Variants in NECAB1 observed in about 807,000 individuals in gnomAD.
NECAB1 encodes N-terminal EF-hand calcium binding protein 1.
In NECAB1, 29 loss-of-function variants were observed where a neutral mutation model predicts 57.5. That is an observed-to-expected ratio of 0.50 (90% CI 0.38 to 0.69). The LOEUF is 0.69. NECAB1 is among the 30% of genes least tolerant of loss of function. The probability of loss-of-function intolerance (pLI) is 0.00; values close to 1 mark genes in which losing one functional copy is unlikely to be tolerated. For missense variants in NECAB1, 372 were observed against 413.8 expected (o/e 0.90, Z 0.88); for synonymous variants, 142 against 147.7 (o/e 0.96, Z 0.28).
chr8:90,870,018 G>A (rs1808593380), intron 3 of NECAB1, among the ~76,000 whole-genome samples: 1 of 152,134 alleles, frequency 6.6e-6, no homozygotes, highest in Non-Finnish European at 1.5e-5. Context: ...GTGATAGTGA[G>A]TAAGGTCTCA....
At chr8:90,826,713 A>G (rs1313187154) in intron 3 of NECAB1, among the ~76,000 whole-genome samples, 1 of 151,644 alleles carries the variant, frequency 6.6e-6, no homozygotes, top group African/African-American at 2.4e-5. Context: ...TTTAATTTAT[A>G]TTAATATTAA....
At chr8:90,792,944 G>A (rs1320095248) in intron 1 of NECAB1, among the ~76,000 whole-genome samples, 2 of 152,072 alleles carry the variant, frequency 1.3e-5, no homozygotes, top group African/African-American at 2.4e-5. Flanking sequence ...CGGAGGTCGT[G>A]TCTATCTCAG....
chr8:90,879,305 C>G (rs1462620394), intron 4 of NECAB1, among the ~76,000 whole-genome samples: 1 of 150,674 alleles, frequency 6.6e-6, no homozygotes. Context: ...CCTCCCACCT[C>G]AGCCTCCCAA....
intron 5 of NECAB1, among the ~76,000 whole-genome samples, chr8:90,895,502 G>A (rs1809303853): frequency 6.6e-6 from 1 of 152,240 alleles, no homozygotes; most frequent in Non-Finnish European, 1.5e-5. Context: ...ACTGTGTTCA[G>A]AGTGTTGCCA....
At chr8:90,918,200 C>T (rs113079219) in intron 6 of NECAB1, among the ~76,000 whole-genome samples, 15,878 of 150,706 alleles carry the variant, frequency 0.11, 973 homozygotes, top group African/African-American at 0.17. Context: ...TTAGAAGAGA[C>T]GGGGTTTCAC....
intron 2 of NECAB1, among the ~76,000 whole-genome samples, chr8:90,824,297 A>G (rs1563497421): frequency 6.6e-6 from 1 of 151,814 alleles, no homozygotes; most frequent in Non-Finnish European, 1.5e-5. Flanking sequence ...TCTGATATAC[A>G]TTTATTAAAC....
chr8:90,931,408 T>C (rs1309937514), intron 8 of NECAB1, among the ~76,000 whole-genome samples: 1 of 152,238 alleles, frequency 6.6e-6, no homozygotes, highest in Non-Finnish European at 1.5e-5. Flanking sequence ...ACATATGTTA[T>C]CTTTTCTCTG....
intron 5 of NECAB1, among the ~76,000 whole-genome samples, chr8:90,900,782 C>T (rs1455914236): frequency 6.6e-6 from 1 of 152,196 alleles, no homozygotes; most frequent in African/African-American, 2.4e-5. Flanking sequence ...GTCAGGGTTT[C>T]ATCACGCTCT....
intron 4 of NECAB1, among the ~76,000 whole-genome samples, chr8:90,878,059 C>G (rs1808762176): frequency 6.6e-6 from 1 of 151,120 alleles, no homozygotes; most frequent in African/African-American, 2.4e-5. Context: ...TTTTCAAAGA[C>G]AGGATCTCGT....
chr8:90,876,593 G>T (rs1157753186), intron 4 of NECAB1, among the ~76,000 whole-genome samples: 1 of 152,026 alleles, frequency 6.6e-6, no homozygotes, highest in Non-Finnish European at 1.5e-5. Flanking sequence ...GTGCAGGATA[G>T]AAAAACAGAA....
chr8:90,834,810 T>G lies in NECAB1; in HGVS notation c.233+9985T>G, dbSNP rs543566765. Among the ~76,000 whole-genome samples the G allele has an allele frequency of 2.6e-5, 4 of 152,256 alleles. No individual in the cohort carries two copies. The South Asian group carries it at 8.3e-4, about 32-fold the overall frequency. On this transcript the variant is annotated intron_variant, in intron 3 of 12. Transcript: ENST00000417640. ...GGTTACCATAGCTTTTATGTATGCATTCTATTTTAATCATGGAAAACTCTT... is the reference window on the plus strand; with the variant it reads ...GGTTACCATAGCTTTTATGTATGCAGTCTATTTTAATCATGGAAAACTCTT...
chr8:90,922,015 A>G (rs1356686722), intron 6 of NECAB1, among the ~76,000 whole-genome samples: 1 of 152,270 alleles, frequency 6.6e-6, no homozygotes. Context: ...TTCAGATGGC[A>G]TGCTACAACA....
intron 12 of NECAB1, among the ~76,000 whole-genome samples, chr8:90,952,428 T>G (rs1201502280): frequency 6.6e-6 from 1 of 151,942 alleles, no homozygotes; most frequent in Non-Finnish European, 1.5e-5. Flanking sequence ...AAGAGTAAAA[T>G]GCAAAGATAC....
At chr8:90,884,861 C>G (rs73694325) in intron 5 of NECAB1, among the ~76,000 whole-genome samples, 1 of 152,088 alleles carries the variant, frequency 6.6e-6, no homozygotes, top group Non-Finnish European at 1.5e-5. Flanking sequence ...AGGACAGAAG[C>G]CCTGAGTCAG....
At chr8:90,825,833 C>G (rs1467437410) in intron 3 of NECAB1, among the ~76,000 whole-genome samples, 2 of 151,802 alleles carry the variant, frequency 1.3e-5, no homozygotes, top group Admixed American at 6.6e-5. Context: ...TTGACAGAAA[C>G]AGTATTCATG....
rs145063988 is a variant in NECAB1, at chr8:90,863,403, A to T, written c.234-8725A>T. On this transcript the variant is annotated intron_variant, in intron 3 of 12. Coordinates refer to ENST00000417640, the MANE Select transcript of NECAB1 (RefSeq NM_022351.5). The stretch of plus-strand genomic sequence containing the variant: ...ATGCCCTAAACCCATCATTTTTCCT[A>T]TTCTCTAAAGTAACATTCTTATTTC... Among the ~76,000 whole-genome samples the T allele has an allele frequency of 4.5e-4, 69 of 152,250 alleles. No homozygotes were observed. In the East Asian group the frequency reaches 0.011, roughly 24 times the overall value.
intron 3 of NECAB1, among the ~76,000 whole-genome samples, chr8:90,842,817 G>A (rs949265510): frequency 6.6e-6 from 1 of 152,178 alleles, no homozygotes; most frequent in Admixed American, 6.5e-5. Context: ...CACTAAAGTT[G>A]CTAAGGCCTT....
chr8:90,804,097 AC>A (rs1478460823), intron 2 of NECAB1, among the ~76,000 whole-genome samples: 2 of 152,214 alleles, frequency 1.3e-5, no homozygotes, highest in African/African-American at 4.8e-5. Context: ...AACTTATGTT[AC>A]AAGTAGATGG....
At chr8:90,954,534 T>C (rs1399319673) in intron 12 of NECAB1, among the ~76,000 whole-genome samples, 1 of 152,136 alleles carries the variant, frequency 6.6e-6, no homozygotes, top group African/African-American at 2.4e-5. Context: ...GCCAGCAAAT[T>C]ACTTGAACAG....
Sources: allele counts gnomAD v4.1 joint callset (sites outside exome capture counted in the v4.1 genomes callset), GRCh38; gene constraint gnomAD v4.1.1; transcripts MANE v1.5; gene names NCBI Gene and HGNC (gene_info 2026-07-23, HGNC 2026-07-21).